Variants in NALF1 observed in about 807,000 individuals in gnomAD.
NALF1 encodes family with sequence similarity 155 member A.
Under a neutral mutation model 48.4 loss-of-function variants are expected in NALF1, and 3 were observed. The observed-to-expected ratio is 0.06, with a 90% CI of 0.03 to 0.16. The LOEUF (loss-of-function observed/expected upper bound fraction) is 0.16. Among genes scored for constraint, NALF1 ranks in the 10% least tolerant of loss-of-function variants. The pLI, the probability that NALF1 is intolerant of heterozygous loss-of-function variation, is 1.00. For synonymous variants in NALF1, 262 were observed against 245.7 expected (o/e 1.07, Z -0.62); for missense variants, 526 against 571.5 (o/e 0.92, Z 0.81).
At chr13:107,619,784 G>A (rs1043277017) in intron 1 of NALF1, among the ~76,000 whole-genome samples, 2 of 152,028 alleles carry the variant, frequency 1.3e-5, no homozygotes, top group Non-Finnish European at 2.9e-5. Flanking sequence ...AAGAATGTAG[G>A]TCTCCTTATT....
intron 1 of NALF1, among the ~76,000 whole-genome samples, chr13:107,418,255 T>C (rs1884126991): frequency 1.3e-5 from 2 of 152,118 alleles, no homozygotes; most frequent in Admixed American, 6.6e-5. Flanking sequence ...CAGCAATTCC[T>C]GTCTCCAGCA....
intron 1 of NALF1, among the ~76,000 whole-genome samples, chr13:107,218,067 C>G (rs984497348): frequency 2.0e-5 from 3 of 152,158 alleles, no homozygotes; most frequent in African/African-American, 7.2e-5. Context: ...CCCACTCCCA[C>G]CCGGCACTCT....
intron 1 of NALF1, among the ~76,000 whole-genome samples, chr13:107,679,313 G>A (rs1045241697): frequency 5.3e-5 from 8 of 151,750 alleles, no homozygotes; most frequent in African/African-American, 9.7e-5. Context: ...AACTATAAAC[G>A]TTCCTATGAT....
intron 1 of NALF1, among the ~76,000 whole-genome samples, chr13:107,266,771 C>A (rs1210827870): frequency 6.6e-6 from 1 of 152,206 alleles, no homozygotes; most frequent in African/African-American, 2.4e-5. Flanking sequence ...ATCACCTATG[C>A]AAATTATTAA....
chr13:107,201,429 C>T (rs1363276484), intron 2 of NALF1, among the ~76,000 whole-genome samples: 1 of 152,018 alleles, frequency 6.6e-6, no homozygotes, highest in African/African-American at 2.4e-5. Flanking sequence ...ACCAAAAAAC[C>T]AGCCGGACGT....
intron 1 of NALF1, among the ~76,000 whole-genome samples, chr13:107,757,173 C>T (rs1234060791): frequency 6.6e-6 from 1 of 152,080 alleles, no homozygotes; most frequent in Non-Finnish European, 1.5e-5. Context: ...TACTGATTTG[C>T]AGCAAATAAA....
rs960472755 is a variant in NALF1 at position 107,506,899 on chromosome 13, T to C, written c.916-296144A>G. ...TTTTAATTTCTCCTGGCCATATACA[T>C]AGGAGTGGAATTGTTGAGTAATAGT... is the stretch of plus-strand genomic sequence containing the variant. On this transcript the variant is annotated intron_variant, in intron 1 of 2. Transcript: ENST00000375915. Among the ~76,000 whole-genome samples, 9 of 152,122 alleles carry C rather than the reference T, an allele frequency of 5.9e-5. No individual in the cohort carries two copies. The South Asian group carries it at 1.0e-3, about 18-fold the overall frequency.
rs375727493 is a variant in NALF1, at chr13:107,839,538, CTGATA to C, written c.915+26139_915+26143del. On this transcript the variant is annotated intron_variant, in intron 1 of 2. Transcript: ENST00000375915. The stretch of plus-strand genomic sequence containing the variant: ...TCCATACATTAATGCAATCCACTGT[CTGATA>C]TAAGTTCAATTATTCCCCACCTGTG... Among the ~76,000 whole-genome samples the C allele has an allele frequency of 3.4e-3, 510 of 151,584 alleles. 2 individuals carry two copies. Among genetic ancestry groups the C allele is most frequent in the African/African-American group, 0.012 (480 of 41,246 alleles).
rs574140237 is a variant in NALF1, at chr13:107,673,514, G to A, written c.915+192168C>T. ...AGAATCCATGAGCTCAGATCATAGCGTTTTCCAACTAAAATAAATAAATAA... is the reference window on the plus strand; with the variant it reads ...AGAATCCATGAGCTCAGATCATAGCATTTTCCAACTAAAATAAATAAATAA... On this transcript the variant is annotated intron_variant, in intron 1 of 2. Coordinates refer to ENST00000375915, the MANE Select transcript of NALF1 (RefSeq NM_001080396.3). Among the ~76,000 whole-genome samples the A allele has an allele frequency of 3.3e-5, 5 of 152,206 alleles. No individual in the cohort carries two copies. The South Asian group carries it at 6.2e-4, about 19-fold the overall frequency.
intron 1 of NALF1, among the ~76,000 whole-genome samples, chr13:107,254,062 A>AAAAAAAAAAAAAATATATATATATAT: frequency 3.6e-5 from 5 of 138,680 alleles, no homozygotes; most frequent in Non-Finnish European, 7.9e-5. Flanking sequence ...CAAGTACTAA[A>AAAAAAAAAAAAAATATATATATATAT]ATATATATAT....
intron 1 of NALF1, among the ~76,000 whole-genome samples, chr13:107,648,802 G>C (rs1450930535): frequency 6.6e-6 from 1 of 152,136 alleles, no homozygotes; most frequent in African/African-American, 2.4e-5. Context: ...CTCCCTAGCA[G>C]TGAATAAGAG....
chr13:107,725,145 A>G (rs1175850742), intron 1 of NALF1, among the ~76,000 whole-genome samples: 1 of 152,216 alleles, frequency 6.6e-6, no homozygotes, highest in African/African-American at 2.4e-5. Flanking sequence ...CATGATAATC[A>G]GATTTATTTT....
chr13:107,176,426 A>G lies in NALF1; in HGVS notation c.1088-5640T>C, dbSNP rs182453928. Among the ~76,000 whole-genome samples the G allele has an allele frequency of 4.0e-3, 606 of 150,090 alleles. 5 individuals are homozygous for G. Among genetic ancestry groups the G allele is most frequent in the African/African-American group, 0.014 (571 of 40,802 alleles). ...GGGAGGTCGAGGCAGGCAGATCACGAGGTCAGGAGATCGAGACCATCCTGG... is the reference window on the plus strand; with the variant it reads ...GGGAGGTCGAGGCAGGCAGATCACGGGGTCAGGAGATCGAGACCATCCTGG... On this transcript the variant is annotated intron_variant, in intron 2 of 2. Transcript: ENST00000375915.
chr13:107,332,999 C>T (rs1301579894), intron 1 of NALF1, among the ~76,000 whole-genome samples: 1 of 152,036 alleles, frequency 6.6e-6, no homozygotes, highest in African/African-American at 2.4e-5. Flanking sequence ...GTGCGTGCCA[C>T]CACACCCAGC....
At chr13:107,752,648 T>C (rs1172634985) in intron 1 of NALF1, among the ~76,000 whole-genome samples, 3 of 152,202 alleles carry the variant, frequency 2.0e-5, no homozygotes, top group East Asian at 3.8e-4. Flanking sequence ...ATATGAAATC[T>C]TAAAAAGTTC....
At chr13:107,365,961 G>A (rs556999320) in intron 1 of NALF1, among the ~76,000 whole-genome samples, 8 of 152,342 alleles carry the variant, frequency 5.3e-5, no homozygotes, top group African/African-American at 1.9e-4. Context: ...GCAACAGTGA[G>A]ATGACAAAGC....
At chr13:107,535,532 C>A (rs1266046797) in intron 1 of NALF1, among the ~76,000 whole-genome samples, 3 of 152,032 alleles carry the variant, frequency 2.0e-5, no homozygotes, top group African/African-American at 7.3e-5. Context: ...ATGTGAAGAA[C>A]CTCTTCAAGA....
In NALF1 at chr13:107,530,000, A is replaced by T. The variant is rs149216324; in HGVS notation, c.916-319245T>A. On this transcript the variant is annotated intron_variant, in intron 1 of 2. Transcript: ENST00000375915. ...AGAGGAAGATGACTGTTAATACCCAAGAGTAAGAATAAGAAGCAAGGGTTC... is the reference window on the plus strand; with the variant it reads ...AGAGGAAGATGACTGTTAATACCCATGAGTAAGAATAAGAAGCAAGGGTTC... Among the ~76,000 whole-genome samples the T allele has an allele frequency of 3.9e-3, 598 of 152,188 alleles. 3 individuals carry two copies. The highest frequency in any genetic ancestry group is 4.9e-3 in the Non-Finnish European group (333 of 68,004).
At chr13:107,340,423 G>A (rs1034528211) in intron 1 of NALF1, among the ~76,000 whole-genome samples, 1 of 129,042 alleles carries the variant, frequency 7.7e-6, no homozygotes, top group African/African-American at 3.1e-5. Flanking sequence ...TTACAGACAT[G>A]AGTTACGGCG....
Sources: allele counts gnomAD v4.1 joint callset (sites outside exome capture counted in the v4.1 genomes callset), GRCh38; gene constraint gnomAD v4.1.1; transcripts MANE v1.5; gene names NCBI Gene and HGNC (gene_info 2026-07-23, HGNC 2026-07-21).